Variants in PPARGC1A observed in about 807,000 individuals in gnomAD.
PPARGC1A encodes PPARG coactivator 1 alpha.
In PPARGC1A, 25 loss-of-function variants were observed where a neutral mutation model predicts 88.7. The observed-to-expected ratio is 0.28, with a 90% CI of 0.21 to 0.39. PPARGC1A has a LOEUF of 0.39. Among genes scored for constraint, PPARGC1A ranks in the 10% least tolerant of loss-of-function variants. PPARGC1A has a pLI of 1.00. For missense variants in PPARGC1A, 880 were observed against 968.7 expected, an observed-to-expected ratio of 0.91 and a Z score of 1.22; for synonymous variants, 363 against 355.6, an observed-to-expected ratio of 1.02 and a Z score of -0.24.
the PPARGC1A span, among the ~76,000 whole-genome samples, chr4:24,127,456 T>G: frequency 0.17 from 25,407 of 151,908 alleles, 2,560 homozygotes; most frequent in African/African-American, 0.27. Context: ...GGGGTGAGGA[T>G]GAGATGAGGG....
chr4:23,818,517 CA>C (rs948334791), intron 7 of PPARGC1A, among the ~76,000 whole-genome samples: 1 of 152,102 alleles, frequency 6.6e-6, no homozygotes, highest in African/African-American at 2.4e-5. Context: ...CATATTTCAA[CA>C]GAGCACAACC....
At chr4:24,110,330 C>T in the PPARGC1A span, among the ~76,000 whole-genome samples, 3 of 152,160 alleles carry the variant, frequency 2.0e-5, no homozygotes, top group Non-Finnish European at 4.4e-5. Context: ...TATCTCAACC[C>T]GTGGTTTTTA....
At chr4:23,928,982 C>A in the PPARGC1A span, among the ~76,000 whole-genome samples, 1 of 151,642 alleles carries the variant, frequency 6.6e-6, no homozygotes, top group Non-Finnish European at 1.5e-5. Flanking sequence ...TCAGGGGATG[C>A]GGTTGGGGGA....
the PPARGC1A span, among the ~76,000 whole-genome samples, chr4:24,240,253 C>A: frequency 6.6e-6 from 1 of 152,186 alleles, no homozygotes; most frequent in Admixed American, 6.5e-5. Flanking sequence ...CATAGAGACA[C>A]AGAAGTCCTT....
At chr4:24,299,599 C>G in the PPARGC1A span, among the ~76,000 whole-genome samples, 1 of 152,162 alleles carries the variant, frequency 6.6e-6, no homozygotes, top group Non-Finnish European at 1.5e-5. Flanking sequence ...CTACCTCAGT[C>G]TTTCTTCTCC....
chr4:23,973,937 C>CAAAAAAT, the PPARGC1A span, among the ~76,000 whole-genome samples: 1 of 148,416 alleles, frequency 6.7e-6, no homozygotes, highest in Non-Finnish European at 1.5e-5. Context: ...GCTCTTGAGG[C>CAAAAAAT]AAAAAATAAA....
chr4:23,795,669 T>C lies in PPARGC1A; in HGVS notation c.*153A>G, dbSNP rs536147269. ...CCATTGTTGTTATTGTTGTTGTTGT[T>C]CTTGTTGTATTGTTGTTGTTTTGTT... On this transcript the variant is annotated 3_prime_UTR_variant, in exon 13 of 13. Transcript: ENST00000264867. 6 of 574,854 alleles carry C rather than the reference T, an allele frequency of 1.0e-5. No individual in the cohort carries two copies. In the South Asian group the frequency reaches 1.4e-4, roughly 13 times the overall value. The allele number at this position is 574,854 out of a possible 1,614,324, so 35.6% of individuals were successfully genotyped here. A position where few individuals can be genotyped will look rare whatever the true frequency, so the allele number is the denominator to read the frequency against.
At chr4:24,034,365 T>C in the PPARGC1A span, among the ~76,000 whole-genome samples, 2 of 152,334 alleles carry the variant, frequency 1.3e-5, no homozygotes, top group African/African-American at 4.8e-5. Context: ...TAGACCCTCA[T>C]TCAAACAAAC....
intron 2 of PPARGC1A, among the ~76,000 whole-genome samples, chr4:23,833,994 G>A (rs944549224): frequency 4.6e-5 from 7 of 151,898 alleles, no homozygotes; most frequent in African/African-American, 1.7e-4. Context: ...GTGAAACCTC[G>A]TCTCTATTAA....
At chr4:24,059,169 A>G in the PPARGC1A span, among the ~76,000 whole-genome samples, 8 of 152,040 alleles carry the variant, frequency 5.3e-5, no homozygotes, top group Non-Finnish European at 8.8e-5. Flanking sequence ...AAGGGCAAAA[A>G]CTCTGAATAT....
At chr4:24,464,871 C>T in the PPARGC1A span, among the ~76,000 whole-genome samples, 4 of 152,332 alleles carry the variant, frequency 2.6e-5, no homozygotes, top group East Asian at 3.9e-4. Flanking sequence ...AAGACCCCAG[C>T]GTAACCTCTT....
At chr4:24,085,923 T>C in the PPARGC1A span, among the ~76,000 whole-genome samples, 2 of 152,228 alleles carry the variant, frequency 1.3e-5, no homozygotes, top group Non-Finnish European at 1.5e-5. Context: ...ATACAACTAA[T>C]ATCCCCCTCA....
the PPARGC1A span, among the ~76,000 whole-genome samples, chr4:24,270,980 C>T: frequency 3.9e-3 from 590 of 152,162 alleles, 5 homozygotes; most frequent in African/African-American, 0.013. Context: ...ATGGCTAATA[C>T]GGTTCAATCT....
chr4:24,450,017 T>C, the PPARGC1A span, among the ~76,000 whole-genome samples: 1 of 152,218 alleles, frequency 6.6e-6, no homozygotes. Context: ...AACTGGTATA[T>C]ATTAGAGCAT....
chr4:24,091,681 G>C, the PPARGC1A span: 1 of 977,494 alleles, frequency 1.0e-6, no homozygotes, highest in Non-Finnish European at 1.2e-6. Flanking sequence ...GATCGGGCAG[G>C]AAGAACCCAC....
intron 2 of PPARGC1A, among the ~76,000 whole-genome samples, chr4:23,850,365 G>A (rs1158410916): frequency 6.6e-6 from 1 of 152,196 alleles, no homozygotes; most frequent in Non-Finnish European, 1.5e-5. Flanking sequence ...TTCTGTGACA[G>A]TGCTCAGAGT....
the PPARGC1A span, among the ~76,000 whole-genome samples, chr4:24,118,338 T>A: frequency 3.9e-5 from 6 of 152,118 alleles, no homozygotes; most frequent in African/African-American, 1.4e-4. Context: ...TTTGAACGTT[T>A]GAAGAAAATT....
At chr4:24,386,736 A>C in the PPARGC1A span, among the ~76,000 whole-genome samples, 1 of 152,200 alleles carries the variant, frequency 6.6e-6, no homozygotes, top group Non-Finnish European at 1.5e-5. Context: ...TCAAGGAAAT[A>C]AGAGAGGACA....
the PPARGC1A span, among the ~76,000 whole-genome samples, chr4:23,932,794 T>C: frequency 6.6e-6 from 1 of 152,174 alleles, no homozygotes; most frequent in Non-Finnish European, 1.5e-5. Flanking sequence ...GTTCATGTAC[T>C]CAAGTCTGAT....
Sources: allele counts gnomAD v4.1 joint callset (sites outside exome capture counted in the v4.1 genomes callset), GRCh38; gene constraint gnomAD v4.1.1; transcripts MANE v1.5; gene names NCBI Gene and HGNC (gene_info 2026-07-23, HGNC 2026-07-21).